Variants in PCDH15 observed in about 807,000 individuals in gnomAD.
PCDH15 encodes the protein protocadherin-15.
In PCDH15, 129 loss-of-function variants were observed where a neutral mutation model predicts 178.5. That is an observed-to-expected ratio of 0.72 (90% confidence interval 0.63 to 0.84). The LOEUF (loss-of-function observed/expected upper bound fraction) is 0.84. Among genes scored for constraint, PCDH15 ranks in the 40% least tolerant of loss-of-function variants. The probability of loss-of-function intolerance (pLI) is 0.00; values close to 1 mark genes in which losing one functional copy is unlikely to be tolerated. For synonymous variants in PCDH15, 800 were observed against 732.0 expected, an observed-to-expected ratio of 1.09 and a Z score of -1.50; for missense variants, 2,230 against 2,099.9, an observed-to-expected ratio of 1.06 and a Z score of -1.21.
intron 1 of PCDH15, among the ~76,000 whole-genome samples, chr10:55,244,720 A>G (rs748024805): frequency 2.6e-5 from 4 of 151,550 alleles, no homozygotes; most frequent in Admixed American, 6.6e-5. Context: ...CACTAACATG[A>G]GATACATTAA....
At chr10:55,405,208 G>T (rs1838167185) in intron 2 of PCDH15, among the ~76,000 whole-genome samples, 1 of 148,308 alleles carries the variant, frequency 6.7e-6, no homozygotes, top group South Asian at 2.1e-4. Flanking sequence ...TCTCATTAAT[G>T]AATATAAATA....
intron 1 of PCDH15, among the ~76,000 whole-genome samples, chr10:54,752,529 C>CAAA (rs150006610): frequency 1.9e-5 from 1 of 51,958 alleles, no homozygotes; most frequent in Non-Finnish European, 4.9e-5. Flanking sequence ...AACAAACAAA[C>CAAA]AAAAAAAAAC....
intron 3 of PCDH15, among the ~76,000 whole-genome samples, chr10:54,384,503 G>A (rs531219080): frequency 5.3e-5 from 8 of 152,156 alleles, no homozygotes; most frequent in Non-Finnish European, 1.0e-4. Context: ...AAATTTGTAA[G>A]TGTGATTTAT....
intron 1 of PCDH15, among the ~76,000 whole-genome samples, chr10:54,740,215 T>A (rs1944608055): frequency 6.6e-6 from 1 of 151,952 alleles, no homozygotes; most frequent in Admixed American, 6.6e-5. Context: ...AATTTTAAAA[T>A]GGGCAAAAGA....
chr10:54,826,456 C>T (rs957911782), intron 3 of PCDH15, among the ~76,000 whole-genome samples: 5 of 151,698 alleles, frequency 3.3e-5, no homozygotes, highest in African/African-American at 9.7e-5. Context: ...ATGAGATTAG[C>T]ACACCCAACA....
chr10:55,435,633 A>T (rs1839020144), intron 2 of PCDH15, among the ~76,000 whole-genome samples: 4 of 152,142 alleles, frequency 2.6e-5, no homozygotes. Flanking sequence ...TTAAAAATTA[A>T]GAGTGGAAAA....
Position 54,850,230 on chromosome 10 carries a change from C to G in PCDH15, c.-29+47220G>C, listed in dbSNP as rs1406296934. On this transcript the variant is annotated intron_variant, in intron 3 of 5. Transcript: ENST00000458638. ...TCTCTCAGCAGCATTTACATCAATA[C>G]TCGATTTGTGAAATGATAAAAATCA... Among the ~76,000 whole-genome samples the G allele has an allele frequency of 2.6e-5, 4 of 152,074 alleles. No homozygotes were observed. The East Asian group carries it at 7.7e-4, about 29-fold the overall frequency.
At chr10:55,596,650 T>C (rs1446414476) in intron 2 of PCDH15, among the ~76,000 whole-genome samples, 1 of 152,172 alleles carries the variant, frequency 6.6e-6, no homozygotes, top group African/African-American at 2.4e-5. Flanking sequence ...CAGCAGTTTG[T>C]TATTTACCAT....
At chr10:54,278,900 C>T (rs1032871899) in intron 8 of PCDH15, among the ~76,000 whole-genome samples, 1 of 151,612 alleles carries the variant, frequency 6.6e-6, no homozygotes, top group African/African-American at 2.4e-5. Context: ...TAGTTCGAGA[C>T]TCACTTCAAC....
intron 3 of PCDH15, among the ~76,000 whole-genome samples, chr10:54,391,006 A>T (rs1950486266): frequency 6.6e-6 from 1 of 152,182 alleles, no homozygotes; most frequent in Non-Finnish European, 1.5e-5. Context: ...AATCATAAAA[A>T]GATGGGCTCC....
At chr10:54,466,775 T>C (rs2077547352) in intron 3 of PCDH15, among the ~76,000 whole-genome samples, 1 of 152,038 alleles carries the variant, frequency 6.6e-6, no homozygotes, top group Non-Finnish European at 1.5e-5. Context: ...TTAATGATGT[T>C]AATTCTTCCA....
chr10:53,995,569 G>T, intron 21 of PCDH15, 80 bp downstream of exon 21: 1 of 1,611,748 alleles, frequency 6.2e-7, no homozygotes. Flanking sequence ...TACTTTTGCT[G>T]TCTTGTGATT....
At chr10:55,298,874 G>A (rs1361143098) in intron 1 of PCDH15, among the ~76,000 whole-genome samples, 4 of 152,012 alleles carry the variant, frequency 2.6e-5, no homozygotes, top group Non-Finnish European at 5.9e-5. Flanking sequence ...CACCGTGCCC[G>A]GCGATAGTGT....
At chr10:55,537,198 C>T (rs7091323) in intron 2 of PCDH15, among the ~76,000 whole-genome samples, 113,465 of 151,972 alleles carry the variant, frequency 0.75, 43,265 homozygotes, top group East Asian at 0.99. Context: ...AATAGCAATA[C>T]ATGCCAGAGA....
intron 2 of PCDH15, among the ~76,000 whole-genome samples, chr10:55,035,629 T>A (rs893178528): frequency 3.3e-5 from 5 of 152,194 alleles, no homozygotes; most frequent in Non-Finnish European, 7.3e-5. Context: ...TTTGCATTTT[T>A]AAAAATATTA....
chr10:55,623,136 C>T (rs1837442004), intron 2 of PCDH15, among the ~76,000 whole-genome samples: 1 of 151,922 alleles, frequency 6.6e-6, no homozygotes, highest in African/African-American at 2.4e-5. Flanking sequence ...CGTTAATGTC[C>T]TATTCTCATT....
intron 2 of PCDH15, among the ~76,000 whole-genome samples, chr10:55,427,084 T>G (rs1428599483): frequency 1.3e-5 from 2 of 152,140 alleles, no homozygotes; most frequent in African/African-American, 2.4e-5. Flanking sequence ...TTTTTCGGAT[T>G]GAGGGTGGGC....
At chr10:55,315,283 C>T (rs1843695697) in intron 1 of PCDH15, among the ~76,000 whole-genome samples, 2 of 151,968 alleles carry the variant, frequency 1.3e-5, no homozygotes, top group African/African-American at 4.8e-5. Flanking sequence ...TTAAGTCTTG[C>T]AAAGTTTTTG....
intron 18 of PCDH15, among the ~76,000 whole-genome samples, chr10:54,043,487 T>C (rs1303330516): frequency 6.6e-6 from 1 of 152,002 alleles, no homozygotes; most frequent in Non-Finnish European, 1.5e-5. Context: ...TTGACTTTCC[T>C]AGCTCAGGTG....
Sources: gnomAD v4.1 joint callset for allele counts (sites outside exome capture counted in the v4.1 genomes callset) on GRCh38, gnomAD v4.1.1 for gene constraint, MANE v1.5 for transcripts, NCBI Gene and HGNC (gene_info 2026-07-23, HGNC 2026-07-21) for gene names.